LSAMP: variants seen among roughly 807,000 people sequenced by gnomAD.
LSAMP encodes limbic system associated membrane protein.
LSAMP carries 7 observed loss-of-function variants against 38.6 expected under a neutral mutation model. The ratio of observed to expected loss-of-function variants is 0.18; its 90% CI spans 0.10 to 0.34. The LOEUF (loss-of-function observed/expected upper bound fraction) is 0.34. Ranked by LOEUF, LSAMP falls within the 10% of genes least tolerant of loss-of-function variation. LSAMP has a pLI of 1.00. For synonymous variants in LSAMP, 154 were observed against 166.8 expected (o/e 0.92, Z 0.59); for missense variants, 313 against 420.0 (o/e 0.75, Z 2.23).
rs1186445762 is a variant in LSAMP at position 116,207,656 on chromosome 3, A to G, written c.156-121100T>C. ...CTGTAAAGGATTTTATTTCTCCTTC[A>G]CTTATGAAGCTTAGTTTGGCTGGAT... On this transcript the variant is annotated intron_variant, in intron 1 of 6. Transcript: ENST00000490035. 2.6e-5 allele frequency among the ~76,000 whole-genome samples: 4 copies of G among 151,672 alleles called. No homozygotes were observed. The South Asian group carries it at 8.4e-4, about 32-fold the overall frequency.
intron 1 of LSAMP, among the ~76,000 whole-genome samples, chr3:116,132,690 CTT>C (rs1164164718): frequency 1.3e-5 from 2 of 152,164 alleles, no homozygotes; most frequent in Non-Finnish European, 2.9e-5. Flanking sequence ...AGTTCTCTCT[CTT>C]ACATCTCATA....
intron 1 of LSAMP, among the ~76,000 whole-genome samples, chr3:116,169,389 A>C (rs896155251): frequency 6.6e-6 from 1 of 152,188 alleles, no homozygotes; most frequent in Admixed American, 6.5e-5. Context: ...TCACATCCTG[A>C]CCAGAGAAAA....
At chr3:116,259,354 A>G (rs570160414) in intron 1 of LSAMP, among the ~76,000 whole-genome samples, 55 of 152,278 alleles carry the variant, frequency 3.6e-4, no homozygotes, top group South Asian at 1.7e-3. Flanking sequence ...TTGTTCTAAC[A>G]TTGCTCTAGA....
chr3:116,372,063 G>T (rs908640473), intron 1 of LSAMP, among the ~76,000 whole-genome samples: 3 of 151,978 alleles, frequency 2.0e-5, no homozygotes, highest in African/African-American at 7.2e-5. Flanking sequence ...CATGTTTACA[G>T]ATTGAAAGAC....
At chr3:116,138,877 T>G (rs898072529) in intron 1 of LSAMP, among the ~76,000 whole-genome samples, 5 of 151,312 alleles carry the variant, frequency 3.3e-5, no homozygotes, top group African/African-American at 1.2e-4. Context: ...CATTGGCAGG[T>G]GGCAGCCAAA....
chr3:115,830,852 G>A (rs1429255756), intron 6 of LSAMP, among the ~76,000 whole-genome samples: 2 of 152,162 alleles, frequency 1.3e-5, no homozygotes, highest in African/African-American at 2.4e-5. Flanking sequence ...TGCCAGGTGA[G>A]GGCAGGTACG....
chr3:115,970,373 T>C (rs998723349), intron 3 of LSAMP, among the ~76,000 whole-genome samples: 5 of 152,322 alleles, frequency 3.3e-5, no homozygotes, highest in East Asian at 1.9e-4. Flanking sequence ...TAAGGTCTTA[T>C]GGTTTTGGCA....
intron 3 of LSAMP, among the ~76,000 whole-genome samples, chr3:115,960,085 C>T (rs1408067840): frequency 1.3e-5 from 2 of 152,168 alleles, no homozygotes; most frequent in African/African-American, 4.8e-5. Flanking sequence ...GTGTCCCCTG[C>T]ACCCCAAGTT....
intron 1 of LSAMP, among the ~76,000 whole-genome samples, chr3:116,408,636 A>T (rs535946325): frequency 6.6e-6 from 1 of 152,246 alleles, no homozygotes; most frequent in African/African-American, 2.4e-5. Flanking sequence ...CATGATAGAT[A>T]CTATTTTCCT....
At chr3:116,086,619 G>A in intron 1 of LSAMP, 63 bp from the exon 2 acceptor site, 7 of 1,304,088 alleles carry the variant, frequency 5.4e-6, no homozygotes, top group South Asian at 4.8e-5. Context: ...TTCTTCTCTA[G>A]GTGATCAGAC....
intron 1 of LSAMP, among the ~76,000 whole-genome samples, chr3:116,232,422 G>A (rs1048908755): frequency 6.6e-6 from 1 of 152,194 alleles, no homozygotes; most frequent in Admixed American, 6.5e-5. Context: ...AAAACCATCT[G>A]TATTTGTACA....
intron 1 of LSAMP, among the ~76,000 whole-genome samples, chr3:116,425,611 A>C (rs2049184477): frequency 6.6e-6 from 1 of 152,182 alleles, no homozygotes. Flanking sequence ...TACTCAGACC[A>C]AGTTACTCCT....
At chr3:116,133,687 T>A (rs529835561) in intron 1 of LSAMP, among the ~76,000 whole-genome samples, 1 of 152,322 alleles carries the variant, frequency 6.6e-6, no homozygotes, top group East Asian at 1.9e-4. Context: ...TAGCTAGGCA[T>A]TATTCTAGGG....
At chr3:116,108,964 G>A (rs992611868) in intron 1 of LSAMP, among the ~76,000 whole-genome samples, 16 of 152,136 alleles carry the variant, frequency 1.1e-4, no homozygotes, top group Non-Finnish European at 1.9e-4. Context: ...GGGTTTGAGG[G>A]CCAGATTCCA....
chr3:116,269,514 C>T (rs762301781), intron 1 of LSAMP, among the ~76,000 whole-genome samples: 2 of 152,036 alleles, frequency 1.3e-5, no homozygotes, highest in Non-Finnish European at 2.9e-5. Flanking sequence ...TGATGCTAAA[C>T]CTAATGGCAC....
At chr3:115,931,035 TA>T (rs1937572138) in intron 3 of LSAMP, among the ~76,000 whole-genome samples, 1 of 152,280 alleles carries the variant, frequency 6.6e-6, no homozygotes, top group African/African-American at 2.4e-5. Context: ...GAAAATGTCA[TA>T]AGGTCATTGT....
At chr3:116,116,790 A>G (rs1198092404) in intron 1 of LSAMP, among the ~76,000 whole-genome samples, 2 of 152,170 alleles carry the variant, frequency 1.3e-5, no homozygotes, top group African/African-American at 4.8e-5. Context: ...AAGACTCTCC[A>G]GGAGCCACGT....
intron 1 of LSAMP, among the ~76,000 whole-genome samples, chr3:116,382,136 C>A (rs1292655863): frequency 1.3e-5 from 2 of 151,904 alleles, no homozygotes. Context: ...ACCATTTGAC[C>A]CAGCCATCCC....
intron 3 of LSAMP, among the ~76,000 whole-genome samples, chr3:115,984,546 C>A (rs1939457993): frequency 6.6e-6 from 1 of 152,106 alleles, no homozygotes; most frequent in African/African-American, 2.4e-5. Flanking sequence ...CTTGTCAATT[C>A]ACTTATCTAA....
Sources: gnomAD v4.1 joint callset for allele counts (sites outside exome capture counted in the v4.1 genomes callset) on GRCh38, gnomAD v4.1.1 for gene constraint, MANE v1.5 for transcripts, NCBI Gene and HGNC (gene_info 2026-07-23, HGNC 2026-07-21) for gene names.